Variants in PRKG2 observed in about 807,000 individuals in gnomAD.
PRKG2 encodes protein kinase cGMP-dependent 2.
In PRKG2, 33 loss-of-function variants were observed where a neutral mutation model predicts 97.2. That is an observed-to-expected ratio of 0.34 (90% CI 0.26 to 0.45). The LOEUF is 0.45. Ranked by LOEUF, PRKG2 falls within the 20% of genes least tolerant of loss-of-function variation. PRKG2 has a pLI of 1.00. For missense variants in PRKG2, 638 were observed against 900.0 expected (o/e 0.71, Z 3.73); for synonymous variants, 330 against 321.8 (o/e 1.03, Z -0.27).
chr4:81,173,156 A>G (rs1210996929), intron 3 of PRKG2, among the ~76,000 whole-genome samples: 1 of 152,166 alleles, frequency 6.6e-6, no homozygotes, highest in Non-Finnish European at 1.5e-5. Flanking sequence ...ACTATTTGCT[A>G]TTCATGCTAT....
At chr4:81,110,710 CCTT>C in intron 14 of PRKG2, 99 bp from the exon 15 acceptor site, 1 of 1,237,610 alleles carries the variant, frequency 8.1e-7, no homozygotes, top group East Asian at 2.4e-5. Context: ...TACACCCCAC[CCTT>C]CTTTTTATAC....
chr4:81,175,060 T>C, intron 2 of PRKG2, 101 bp from the exon 3 acceptor site: 1 of 1,167,092 alleles, frequency 8.6e-7, no homozygotes, highest in Non-Finnish European at 1.2e-6. Context: ...ATCTACAAAC[T>C]TATAACTTTC....
chr4:81,139,023 C>T (rs1338464157), intron 12 of PRKG2, among the ~76,000 whole-genome samples: 1 of 152,066 alleles, frequency 6.6e-6, no homozygotes, highest in East Asian at 1.9e-4. Flanking sequence ...TTTTACATTA[C>T]CCAGAAATCA....
At chr4:81,182,473 A>C (rs1751500403) in intron 2 of PRKG2, among the ~76,000 whole-genome samples, 1 of 152,076 alleles carries the variant, frequency 6.6e-6, no homozygotes, top group Non-Finnish European at 1.5e-5. Context: ...AAACATTGAA[A>C]GCTTTCCTAC....
At chr4:81,191,440 G>T (rs1293325441) in intron 2 of PRKG2, among the ~76,000 whole-genome samples, 2 of 150,924 alleles carry the variant, frequency 1.3e-5, no homozygotes, top group Non-Finnish European at 3.0e-5. Context: ...TCAGGGGGTT[G>T]GGGGCTGGAG....
At chr4:81,133,034 T>A (rs10440436) in intron 14 of PRKG2, among the ~76,000 whole-genome samples, 4,646 of 152,228 alleles carry the variant, frequency 0.031, 270 homozygotes, top group African/African-American at 0.1. Context: ...ATCCAGTAGT[T>A]CTTTGTGTCC....
intron 17 of PRKG2, among the ~76,000 whole-genome samples, chr4:81,092,719 C>T (rs1741703067): frequency 6.6e-6 from 1 of 152,184 alleles, no homozygotes; most frequent in South Asian, 2.1e-4. Context: ...AGGCATCTGG[C>T]ATGTATCATG....
chr4:81,186,022 C>T (rs550696114), intron 2 of PRKG2, among the ~76,000 whole-genome samples: 6 of 152,112 alleles, frequency 3.9e-5, no homozygotes, highest in South Asian at 2.1e-4. Context: ...ACAATAGTAG[C>T]GGGAGACTTC....
At chr4:81,148,176 A>C (rs1348025048) in intron 9 of PRKG2, among the ~76,000 whole-genome samples, 3 of 152,142 alleles carry the variant, frequency 2.0e-5, no homozygotes, top group Non-Finnish European at 4.4e-5. Flanking sequence ...AATCTTTGTT[A>C]ATATTTCATA....
rs1404301469 is a variant in PRKG2, at chr4:81,175,147, G to A, written c.462-188C>T. 2.6e-5 allele frequency among the ~76,000 whole-genome samples: 4 copies of A among 152,048 alleles called. No individual in the cohort carries two copies. The East Asian group carries it at 7.7e-4, about 29-fold the overall frequency. On this transcript the variant is annotated intron_variant, in intron 2 of 18. Coordinates refer to ENST00000264399, the MANE Select transcript of PRKG2 (RefSeq NM_006259.3). ...ACCATAGCTTACATGAAAAACCTAA[G>A]AAAATGTTTTTGAATATTATTCTGA...
intron 1 of PRKG2, among the ~76,000 whole-genome samples, chr4:81,214,372 T>TC (rs1272291601): frequency 5.3e-5 from 8 of 151,966 alleles, no homozygotes; most frequent in Non-Finnish European, 1.2e-4. Context: ...TTTTTTCTCA[T>TC]CCCCAAAGTG....
intron 2 of PRKG2, among the ~76,000 whole-genome samples, chr4:81,203,125 AGAG>A (rs1311459276): frequency 2.6e-5 from 4 of 151,926 alleles, no homozygotes; most frequent in Non-Finnish European, 5.9e-5. Flanking sequence ...CTCTAACAGA[AGAG>A]AACACTGGAT....
In PRKG2 at chr4:81,104,376, T is replaced by C; in HGVS notation, c.2120A>G (p.Lys707Arg). The C allele has an allele frequency of 6.6e-7, 1 of 1,518,416 alleles. No homozygotes were observed. The highest frequency in any genetic ancestry group is 1.3e-5 in the South Asian group (1 of 74,800). The allele number at this position is 1,518,416 out of a possible 1,614,324, so 94.1% of individuals were successfully genotyped here. ...CAAAGAAATAATTATGTACCTGTGT[T>C]TCTTAATGTCATTTATTCCATTCTT... ...NLKNGINDIK[K>R]HRWLNGFNWE... The change falls in exon 17 of 19, where the codon AAA becomes AGA. Residue 707 changes from lysine (K) to arginine (R), a missense_variant. Coordinates refer to ENST00000264399, the MANE Select transcript of PRKG2 (RefSeq NM_006259.3).
At chr4:81,187,499 C>A (rs1206399105) in intron 2 of PRKG2, among the ~76,000 whole-genome samples, 1 of 152,118 alleles carries the variant, frequency 6.6e-6, no homozygotes, top group African/African-American at 2.4e-5. Context: ...GACAAACCCA[C>A]AGCTAATATC....
At chr4:81,182,015 C>G (rs1402665928) in intron 2 of PRKG2, among the ~76,000 whole-genome samples, 1 of 151,616 alleles carries the variant, frequency 6.6e-6, no homozygotes, top group African/African-American at 2.4e-5. Context: ...CCCAGATGAC[C>G]TTATTATTAA....
At chr4:81,090,967 T>C (rs1741475344) in intron 18 of PRKG2, among the ~76,000 whole-genome samples, 1 of 152,196 alleles carries the variant, frequency 6.6e-6, no homozygotes, top group Admixed American at 6.5e-5. Flanking sequence ...ATTTATGCCA[T>C]TTGACACTGC....
rs140694607 is a variant in PRKG2, at chr4:81,110,459, G to A, written c.1929C>T (p.Leu643=). ...TTGAAGGTACATACTTGCCCGTTAG[G>A]AGCTCATACACTAGAATTCCCAGTG... The part of the protein sequence containing the change: ...FWSLGILVYE[L]LTGNPPFSGV... The change falls in exon 15 of 19, where the codon CTC becomes CTT. Residue 643 remains leucine (L), a synonymous_variant. Coordinates refer to ENST00000264399, the MANE Select transcript of PRKG2 (RefSeq NM_006259.3). The A allele has an allele frequency of 1.7e-3, 2,667 of 1,612,760 alleles. 5 individuals are homozygous for A. The highest frequency in any genetic ancestry group is 2.1e-3 in the Non-Finnish European group (2,473 of 1,179,632).
At chr4:81,129,990 T>G (rs1746006813) in intron 14 of PRKG2, among the ~76,000 whole-genome samples, 1 of 152,186 alleles carries the variant, frequency 6.6e-6, no homozygotes, top group Non-Finnish European at 1.5e-5. Context: ...TTCCCATATT[T>G]AGTGCTTCCT....
intron 6 of PRKG2, among the ~76,000 whole-genome samples, chr4:81,162,914 A>T (rs556747504): frequency 1.4e-4 from 21 of 152,168 alleles, no homozygotes; most frequent in Non-Finnish European, 2.2e-4. Flanking sequence ...CAGAAGAAAC[A>T]CAGAGAATTT....
Sources: allele counts gnomAD v4.1 joint callset (sites outside exome capture counted in the v4.1 genomes callset), GRCh38; gene constraint gnomAD v4.1.1; transcripts MANE v1.5; gene names NCBI Gene and HGNC (gene_info 2026-07-23, HGNC 2026-07-21).